The following ERC2 variants were observed in gnomAD, a reference collection of about 807,000 sequenced individuals.
The protein encoded by ERC2 is ERC protein 2.
ERC2 carries 42 observed loss-of-function variants against 114.8 expected under a neutral mutation model. The observed-to-expected ratio is 0.37, with a 90% CI of 0.29 to 0.47. ERC2 has a LOEUF of 0.47. Ranked by LOEUF, ERC2 falls within the 20% of genes least tolerant of loss-of-function variation. ERC2 has a pLI of 0.99. For missense variants in ERC2, 939 were observed against 1,150.7 expected, an observed-to-expected ratio of 0.82 and a Z score of 2.66; for synonymous variants, 454 against 425.5, an observed-to-expected ratio of 1.07 and a Z score of -0.82.
At chr3:56,372,188 C>T (rs529278213) in intron 2 of ERC2, among the ~76,000 whole-genome samples, 9 of 152,216 alleles carry the variant, frequency 5.9e-5, no homozygotes, top group African/African-American at 2.2e-4. Context: ...CAGGGAGAGC[C>T]CTTATATTCT....
intron 17 of ERC2, among the ~76,000 whole-genome samples, chr3:55,595,908 A>C (rs552501177): frequency 6.6e-6 from 1 of 152,194 alleles, no homozygotes; most frequent in Non-Finnish European, 1.5e-5. Flanking sequence ...CCAAGATACA[A>C]TCATCATAGT....
intron 17 of ERC2, among the ~76,000 whole-genome samples, chr3:55,627,403 T>C (rs1457542661): frequency 6.6e-6 from 1 of 151,754 alleles, no homozygotes; most frequent in African/African-American, 2.4e-5. Flanking sequence ...GAGGCAGAGG[T>C]TGCAGTGAGC....
chr3:55,887,825 C>A (rs557879392), intron 14 of ERC2, among the ~76,000 whole-genome samples: 3 of 152,324 alleles, frequency 2.0e-5, no homozygotes, highest in East Asian at 3.9e-4. Flanking sequence ...GCTTCCCAAG[C>A]CCCCACCTAG....
intron 2 of ERC2, among the ~76,000 whole-genome samples, chr3:56,426,623 G>A (rs2061579290): frequency 6.6e-6 from 1 of 152,182 alleles, no homozygotes; most frequent in African/African-American, 2.4e-5. Flanking sequence ...GTGGGGTTTA[G>A]TTGTACATTT....
At chr3:55,886,117 A>G (rs1194736638) in intron 14 of ERC2, among the ~76,000 whole-genome samples, 1 of 152,212 alleles carries the variant, frequency 6.6e-6, no homozygotes, top group Non-Finnish European at 1.5e-5. Flanking sequence ...GACTTGACAC[A>G]TAACACACAG....
At chr3:56,040,813 T>C (rs1021637309) in intron 7 of ERC2, among the ~76,000 whole-genome samples, 3 of 149,074 alleles carry the variant, frequency 2.0e-5, no homozygotes, top group Non-Finnish European at 4.5e-5. Flanking sequence ...GAGATACATA[T>C]AGATATATAT....
At chr3:56,351,586 A>C (rs2058555243) in intron 2 of ERC2, among the ~76,000 whole-genome samples, 1 of 152,270 alleles carries the variant, frequency 6.6e-6, no homozygotes, top group African/African-American at 2.4e-5. Flanking sequence ...GTTCTCTTCC[A>C]AATTCTGTAG....
At chr3:56,247,746 G>A (rs1314477673) in intron 3 of ERC2, among the ~76,000 whole-genome samples, 3 of 152,178 alleles carry the variant, frequency 2.0e-5, no homozygotes, top group East Asian at 1.9e-4. Flanking sequence ...ATGGCTAGGC[G>A]CACCGTGGTA....
At chr3:55,594,518 G>A (rs1422572716) in intron 17 of ERC2, among the ~76,000 whole-genome samples, 2 of 152,172 alleles carry the variant, frequency 1.3e-5, no homozygotes, top group Non-Finnish European at 2.9e-5. Flanking sequence ...GTCTTGATCT[G>A]TCACCCAGGA....
chr3:55,689,127 T>C (rs2062494194), intron 16 of ERC2, among the ~76,000 whole-genome samples: 1 of 152,162 alleles, frequency 6.6e-6, no homozygotes, highest in Non-Finnish European at 1.5e-5. Context: ...TCTCAGCAAG[T>C]TCACCTCACT....
intron 17 of ERC2, among the ~76,000 whole-genome samples, chr3:55,678,335 G>A (rs1269864801): frequency 6.6e-6 from 1 of 152,144 alleles, no homozygotes; most frequent in African/African-American, 2.4e-5. Flanking sequence ...CAATTATCAA[G>A]AGCAATCAAA....
intron 14 of ERC2, among the ~76,000 whole-genome samples, chr3:55,777,246 G>A (rs2068696095): frequency 6.6e-6 from 1 of 151,930 alleles, no homozygotes; most frequent in African/African-American, 2.4e-5. Context: ...GGCATCTGAG[G>A]GCCCATGTAG....
rs564682347 is a variant in ERC2, at chr3:55,664,132, T to G, written c.*39+19662A>C. Among the ~76,000 whole-genome samples, 340 of 152,346 alleles carry G rather than the reference T, an allele frequency of 2.2e-3. 2 individuals carry two copies. Among genetic ancestry groups the G allele is most frequent in the Non-Finnish European group, 2.5e-3 (170 of 68,028 alleles). On this transcript the variant is annotated intron_variant, in intron 17 of 17. Transcript: ENST00000288221. The stretch of plus-strand genomic sequence containing the variant: ...AAAATATAGGAAATTCAAATTTTAC[T>G]GGATGTCAAGCCTTTTATTTTTTTC...
intron 14 of ERC2, among the ~76,000 whole-genome samples, chr3:55,784,804 A>G (rs17055973): frequency 0.093 from 14,224 of 152,264 alleles, 1,073 homozygotes; most frequent in African/African-American, 0.21. Flanking sequence ...GGAGTTTGTC[A>G]GGAGTTAGTT....
At chr3:56,466,139 AC>A (rs2063534652) in intron 1 of ERC2, among the ~76,000 whole-genome samples, 1 of 152,252 alleles carries the variant, frequency 6.6e-6, no homozygotes, top group South Asian at 2.1e-4. Context: ...AAAGTACTCA[AC>A]AAAGTGCTTG....
intron 14 of ERC2, among the ~76,000 whole-genome samples, chr3:55,761,234 G>A (rs2067409462): frequency 6.6e-6 from 1 of 152,208 alleles, no homozygotes; most frequent in Non-Finnish European, 1.5e-5. Context: ...TAAAAGGCCA[G>A]AGAGTAAACA....
At chr3:56,441,824 G>A (rs537025074) in intron 1 of ERC2, among the ~76,000 whole-genome samples, 10 of 152,220 alleles carry the variant, frequency 6.6e-5, no homozygotes, top group South Asian at 2.1e-4. Context: ...TGGGATTACC[G>A]GCGTGAGCCA....
chr3:56,106,472 T>C (rs765005776), intron 6 of ERC2, among the ~76,000 whole-genome samples: 17 of 152,214 alleles, frequency 1.1e-4, no homozygotes, highest in Non-Finnish European at 2.1e-4. Context: ...GTTGTCCTAG[T>C]GTTGAAGGGG....
At chr3:55,835,477 T>G (rs952727527) in intron 14 of ERC2, among the ~76,000 whole-genome samples, 1 of 152,186 alleles carries the variant, frequency 6.6e-6, no homozygotes, top group Admixed American at 6.5e-5. Context: ...TAATCCAGCA[T>G]ATAAACAGAA....
Sources: allele counts gnomAD v4.1 joint callset (sites outside exome capture counted in the v4.1 genomes callset), GRCh38; gene constraint gnomAD v4.1.1; transcripts MANE v1.5; gene names NCBI Gene and HGNC (gene_info 2026-07-23, HGNC 2026-07-21).